ROBO2: variants seen among roughly 807,000 people sequenced by gnomAD.
The protein encoded by ROBO2 is roundabout homolog 2.
In ROBO2, 53 loss-of-function variants were observed where a neutral mutation model predicts 160.8. That is an observed-to-expected ratio of 0.33 (90% CI 0.26 to 0.41). The LOEUF (loss-of-function observed/expected upper bound fraction) is 0.41, where lower values mean the gene tolerates loss of function less well. Among genes scored for constraint, ROBO2 ranks in the 10% least tolerant of loss-of-function variants. The pLI is 1.00. For synonymous variants in ROBO2, 664 were observed against 611.7 expected (o/e 1.09, Z -1.26); for missense variants, 1,577 against 1,722.4 (o/e 0.92, Z 1.49).
chr3:76,983,572 A>G (rs1042029703), intron 2 of ROBO2, among the ~76,000 whole-genome samples: 1 of 152,156 alleles, frequency 6.6e-6, no homozygotes, highest in East Asian at 1.9e-4. Context: ...ATAGGAATTT[A>G]TGTTGGAAGA....
intron 2 of ROBO2, among the ~76,000 whole-genome samples, chr3:76,534,966 A>C (rs1055190915): frequency 5.9e-5 from 9 of 152,182 alleles, no homozygotes; most frequent in Admixed American, 1.3e-4. Context: ...GAAAGAAAGT[A>C]AGTCATGAGA....
chr3:76,671,583 T>C (rs1053173598), intron 2 of ROBO2, among the ~76,000 whole-genome samples: 2 of 152,144 alleles, frequency 1.3e-5, no homozygotes, highest in East Asian at 1.9e-4. Context: ...GAAAATCACA[T>C]ATAATGTTTC....
At chr3:77,153,492 T>A (rs2150546673) in intron 2 of ROBO2, among the ~76,000 whole-genome samples, 1 of 152,256 alleles carries the variant, frequency 6.6e-6, no homozygotes, top group South Asian at 2.1e-4. Context: ...TTTAGAAGTG[T>A]GTAATTTCTG....
chr3:76,853,835 T>G (rs927044852), intron 2 of ROBO2, among the ~76,000 whole-genome samples: 1 of 152,122 alleles, frequency 6.6e-6, no homozygotes, highest in Non-Finnish European at 1.5e-5. Flanking sequence ...AAAATTTTAT[T>G]TTTTGTGTTT....
intron 2 of ROBO2, among the ~76,000 whole-genome samples, chr3:76,566,161 T>C (rs1332962980): frequency 6.6e-6 from 1 of 152,144 alleles, no homozygotes. Flanking sequence ...CTGTGGAGGG[T>C]TGGGTACCAA....
chr3:77,264,875 T>C (rs1580482484), intron 2 of ROBO2, among the ~76,000 whole-genome samples: 1 of 152,318 alleles, frequency 6.6e-6, no homozygotes, highest in East Asian at 1.9e-4. Flanking sequence ...TAAGATATTA[T>C]ATTTCAACAT....
intron 2 of ROBO2, among the ~76,000 whole-genome samples, chr3:76,342,508 G>A (rs2074289359): frequency 6.6e-6 from 1 of 151,552 alleles, no homozygotes; most frequent in Non-Finnish European, 1.5e-5. Context: ...TTTTATGAAT[G>A]GTAGTAAGCA....
In ROBO2 at chr3:76,800,006, C is replaced by G. The variant is rs559374262; in HGVS notation, c.110-298008C>G. ...CTATAGTAACCAAACCTGCATGGTA[C>G]TGGCATAAAAACAGACACAAAGACC... On this transcript the variant is annotated intron_variant, in intron 2 of 26. Coordinates refer to the ROBO2 transcript ENST00000487694. 4.6e-5 allele frequency among the ~76,000 whole-genome samples: 7 copies of G among 152,286 alleles called. No individual in the cohort carries two copies. The South Asian group carries it at 1.4e-3, about 32-fold the overall frequency.
intron 2 of ROBO2, among the ~76,000 whole-genome samples, chr3:76,448,990 A>G (rs1411338221): frequency 6.6e-6 from 1 of 151,302 alleles, no homozygotes; most frequent in Non-Finnish European, 1.5e-5. Context: ...CTTACAAAGC[A>G]ATTTTTAAAT....
At chr3:76,967,511 CT>C (rs59372235) in intron 2 of ROBO2, among the ~76,000 whole-genome samples, 11,394 of 55,364 alleles carry the variant, frequency 0.21, 1,084 homozygotes, top group Non-Finnish European at 0.24. Context: ...CTGGCCAGCT[CT>C]TTTTTTTTTT....
intron 2 of ROBO2, among the ~76,000 whole-genome samples, chr3:76,368,569 A>G (rs995520662): frequency 6.6e-6 from 1 of 151,958 alleles, no homozygotes; most frequent in Non-Finnish European, 1.5e-5. Context: ...CCATCTCAGC[A>G]TGATCCTGTC....
intron 2 of ROBO2, among the ~76,000 whole-genome samples, chr3:76,509,736 G>A (rs1316960349): frequency 6.6e-6 from 1 of 152,138 alleles, no homozygotes; most frequent in Non-Finnish European, 1.5e-5. Context: ...CATCTGCCAT[G>A]AATACTTTTC....
At chr3:76,997,861 C>T (rs1047113710) in intron 2 of ROBO2, among the ~76,000 whole-genome samples, 4 of 152,134 alleles carry the variant, frequency 2.6e-5, no homozygotes, top group African/African-American at 7.2e-5. Context: ...GCCATGTCAG[C>T]TGGGAAATGG....
chr3:76,131,035 G>A (rs1158678733), intron 2 of ROBO2, among the ~76,000 whole-genome samples: 1 of 152,086 alleles, frequency 6.6e-6, no homozygotes, highest in African/African-American at 2.4e-5. Context: ...TTTAAAATGA[G>A]AACTTATCTT....
chr3:76,311,921 C>G (rs1009230322), intron 2 of ROBO2, among the ~76,000 whole-genome samples: 6 of 152,174 alleles, frequency 3.9e-5, no homozygotes, highest in African/African-American at 1.4e-4. Flanking sequence ...GGAAAAAAAT[C>G]TGCTGAATGA....
intron 1 of ROBO2, among the ~76,000 whole-genome samples, chr3:77,059,595 G>T (rs2066089176): frequency 6.6e-6 from 1 of 152,158 alleles, no homozygotes; most frequent in Admixed American, 6.6e-5. Flanking sequence ...ATTTACTATT[G>T]ATGTTGGGCT....
At chr3:75,992,581 G>A (rs2065605795) in intron 2 of ROBO2, among the ~76,000 whole-genome samples, 1 of 152,184 alleles carries the variant, frequency 6.6e-6, no homozygotes. Context: ...AGTGCAGAAG[G>A]GAAATGTGGA....
intron 2 of ROBO2, among the ~76,000 whole-genome samples, chr3:76,304,952 C>T (rs1373849321): frequency 6.6e-6 from 1 of 151,694 alleles, no homozygotes; most frequent in African/African-American, 2.4e-5. Context: ...GTAAGGTGTT[C>T]AGGGAGATGA....
chr3:76,313,150 A>C (rs1431325395), intron 2 of ROBO2, among the ~76,000 whole-genome samples: 1 of 152,240 alleles, frequency 6.6e-6, no homozygotes, highest in Non-Finnish European at 1.5e-5. Flanking sequence ...AGGTCAGTCA[A>C]GTTACTGAAA....
Sources: gnomAD v4.1 joint callset for allele counts (sites outside exome capture counted in the v4.1 genomes callset) on GRCh38, gnomAD v4.1.1 for gene constraint, MANE v1.5 for transcripts, NCBI Gene and HGNC (gene_info 2026-07-23, HGNC 2026-07-21) for gene names.